NFKBIZ: variants seen among roughly 807,000 people sequenced by gnomAD.
The protein encoded by NFKBIZ is NFKB inhibitor zeta, also known as NF-kappa-B inhibitor zeta.
A neutral mutation model predicts 76.8 loss-of-function variants in NFKBIZ; 19 were observed. That is an observed-to-expected ratio of 0.25 (90% CI 0.17 to 0.36). The LOEUF (loss-of-function observed/expected upper bound fraction) is 0.36. Among genes scored for constraint, NFKBIZ ranks in the 10% least tolerant of loss-of-function variants. The pLI is 1.00. For synonymous variants in NFKBIZ, 368 were observed against 354.8 expected (o/e 1.04, Z -0.42); for missense variants, 829 against 910.9 (o/e 0.91, Z 1.16).
intron 2 of NFKBIZ, among the ~76,000 whole-genome samples, chr3:101,839,772 A>T (rs1360079653): frequency 6.6e-6 from 1 of 152,034 alleles, no homozygotes; most frequent in Non-Finnish European, 1.5e-5. Context: ...TGCCTTCAAA[A>T]TTTTTTTTCT....
rs1942682739 is a variant in NFKBIZ, at chr3:101,834,125, A to G, written c.-12+4437A>G. On this transcript the variant is annotated intron_variant, in intron 2 of 12. Transcript: ENST00000394054. ...TCAGAGTGCAGATAAGGGGTGAGGT[A>G]GAGTGGCAGGAGCAGTGCAGGGAAC... Among the ~76,000 whole-genome samples the G allele has an allele frequency of 3.3e-5, 5 of 152,176 alleles. No individual in the cohort carries two copies. In the South Asian group the frequency reaches 1.0e-3, roughly 32 times the overall value.
chr3:101,853,086 T>G lies in NFKBIZ; in HGVS notation c.565-5T>G, dbSNP rs749014818. The G allele has an allele frequency of 6.2e-7, 1 of 1,612,522 alleles. No homozygotes were observed. The highest frequency in any genetic ancestry group is 8.5e-7 in the Non-Finnish European group (1 of 1,178,644). On this transcript the variant is annotated splice_region_variant and splice_polypyrimidine_tract_variant and intron_variant, in intron 4 of 11. Coordinates refer to ENST00000326172, the MANE Select transcript of NFKBIZ (RefSeq NM_031419.4). Reference sequence around the variant, plus strand: ...GTGTGCAAGTTGCATTTTCCTTCTTTCCAGACACCACCTCAAACACCAACG... The same window carrying G: ...GTGTGCAAGTTGCATTTTCCTTCTTGCCAGACACCACCTCAAACACCAACG...
rs61730026 is a variant in NFKBIZ at position 101,852,909 on chromosome 3, A to G, written c.484A>G (p.Ser162Gly). ...FRELKNTVSY[S>G]GKRKGPDSLS... ...AGAATTGAAGAACACAGTATCATAC[A>G]GTGGGAAAAGGAAAGGGCCCGATTC... Residue 162 changes from serine (S) to glycine (G), a missense_variant, in exon 4 of 12, where the codon AGT becomes GGT. By Grantham distance (56) the Ser-to-Gly change is moderately conservative (BLOSUM62 0). This residue lies in a region of NFKBIZ where 371 missense variants were observed against 332.3 expected (regional missense o/e 1.12). Coordinates refer to ENST00000326172, the MANE Select transcript of NFKBIZ (RefSeq NM_031419.4). 2,614 of 1,614,172 alleles carry G rather than the reference A, an allele frequency of 1.6e-3. 1 individual carries two copies. Among genetic ancestry groups the G allele is most frequent in the Non-Finnish European group, 2.0e-3 (2,301 of 1,179,982 alleles).
Position 101,837,720 on chromosome 3 carries a change from C to T in NFKBIZ, c.-12+8032C>T, listed in dbSNP as rs139814957. 5.2e-4 allele frequency among the ~76,000 whole-genome samples: 79 copies of T among 152,158 alleles called. No homozygotes were observed. The East Asian group carries it at 0.013, about 26-fold the overall frequency. ...TTACTGCCGAATTAACTTTTGGTCC[C>T]CCAGACCCCTTGTTTACTAGAATTT... On this transcript the variant is annotated intron_variant, in intron 2 of 12. Transcript: ENST00000394054.
At chr3:101,850,177 C>T (rs910997135) in intron 1 of NFKBIZ, 54 of 386,208 alleles carry the variant, frequency 1.4e-4, no homozygotes, top group African/African-American at 9.8e-4. Flanking sequence ...CTCTGACTGC[C>T]GGGCGAGTGA....
At chr3:101,854,501 ATTTT>A (rs34931768) in intron 5 of NFKBIZ, 73 bp from the exon 6 acceptor site, 5 of 689,312 alleles carry the variant, frequency 7.3e-6, no homozygotes, top group South Asian at 2.0e-5. Flanking sequence ...CTAAAGGAAG[ATTTT>A]TTTTTTTTTT....
At position 101,855,749 on chromosome 3, in the gene NFKBIZ, C is replaced by T; in HGVS notation, c.1671C>T (p.His557=). The change falls in exon 9 of 12, where the codon CAC becomes CAT. Residue 557 remains histidine, a synonymous_variant. Coordinates refer to ENST00000326172, the MANE Select transcript of NFKBIZ (RefSeq NM_031419.4). The stretch of plus-strand genomic sequence containing the variant: ...TTCTTCTAGGCCTGACTCCCCTTCA[C>T]TGTGCAGTCATAGCCCACAATGCTG... ...ATNYDGLTPL[H]CAVIAHNAVV... is the part of the protein sequence containing the mutation. 3 of 1,602,148 alleles carry T rather than the reference C, an allele frequency of 1.9e-6. No homozygotes were observed. The highest frequency in any genetic ancestry group is 2.6e-6 in the Non-Finnish European group (3 of 1,176,078).
intron 1 of NFKBIZ, among the ~76,000 whole-genome samples, chr3:101,828,385 T>G (rs1464667030): frequency 3.3e-5 from 5 of 152,314 alleles, no homozygotes; most frequent in South Asian, 4.1e-4. Flanking sequence ...TGTAGTTTAG[T>G]AATAGCAAGA....
intron 1 of NFKBIZ, chr3:101,829,595 T>C (rs1942617620): frequency 6.6e-6 from 1 of 152,170 alleles, no homozygotes; most frequent in African/African-American, 2.4e-5. Flanking sequence ...TGGAGGCCTC[T>C]TGATTTTTTT....
chr3:101,853,991 G>GTAGA (rs2107417990), intron 5 of NFKBIZ, 128 bp downstream of exon 5: 5 of 890,722 alleles, frequency 5.6e-6, no homozygotes, highest in Non-Finnish European at 8.4e-6. Context: ...GATGACTGGT[G>GTAGA]TAGATAGAAA....
intron 2 of NFKBIZ, among the ~76,000 whole-genome samples, chr3:101,831,119 GT>G (rs534405061): frequency 6.6e-6 from 1 of 152,190 alleles, no homozygotes; most frequent in Non-Finnish European, 1.5e-5. Flanking sequence ...GATTGTTTCA[GT>G]CAAGTTTGCT....
intron 2 of NFKBIZ, among the ~76,000 whole-genome samples, chr3:101,840,046 CTT>C (rs905798834): frequency 1.3e-5 from 2 of 152,104 alleles, no homozygotes; most frequent in Non-Finnish European, 2.9e-5. Context: ...TTAGAAGATA[CTT>C]TTTGGTCCTT....
intron 2 of NFKBIZ, among the ~76,000 whole-genome samples, chr3:101,830,021 A>G (rs1224430671): frequency 6.6e-6 from 1 of 152,182 alleles, no homozygotes; most frequent in Non-Finnish European, 1.5e-5. Context: ...TTTCAGGGTT[A>G]TGTAATCTTT....
intron 2 of NFKBIZ, among the ~76,000 whole-genome samples, chr3:101,831,121 C>T (rs1047849678): frequency 1.1e-4 from 16 of 152,164 alleles, no homozygotes; most frequent in African/African-American, 3.9e-4. Flanking sequence ...TTGTTTCAGT[C>T]AAGTTTGCTA....
intron 2 of NFKBIZ, among the ~76,000 whole-genome samples, chr3:101,837,492 A>T (rs1440247334): frequency 7.5e-4 from 1 of 1,332 alleles, no homozygotes; most frequent in Non-Finnish European, 3.5e-3. Context: ...ATCCTGTCTC[A>T]AAAAAAAAAA....
chr3:101,849,712 C>A lies in NFKBIZ; in HGVS notation c.84C>A (p.Ser28Arg), dbSNP rs1373912625. ...DAAGGCGLMT[S>R]PLNLSYFYGA... ...CGGGCGGCTGCGGCCTCATGACCAG[C>A]CCGCTCAACCTGAGCTACTTCTACG... The change falls in exon 1 of 12, where the codon AGC (serine) becomes AGA (arginine). Residue 28 changes from serine (S) to arginine (R), a missense_variant. Physicochemically the swap from Ser to Arg is moderately radical, Grantham distance 110. Around this residue, in one of 4 missense-constraint regions of NFKBIZ, gnomAD observed 181 missense variants for 175.3 expected, o/e 1.03. Coordinates refer to ENST00000326172, the MANE Select transcript of NFKBIZ (RefSeq NM_031419.4). 1.4e-6 allele frequency: 2 copies of A among 1,434,150 alleles called. No individual in the cohort carries two copies. The highest frequency in any genetic ancestry group is 1.4e-5 in the South Asian group (1 of 71,826). 88.8% of individuals were successfully genotyped at this position (1,434,150 alleles called of 1,614,324 possible). A position where few individuals can be genotyped will look rare whatever the true frequency, so the allele number is the denominator to read the frequency against.
At chr3:101,857,669 A>G (rs1943070816) in intron 11 of NFKBIZ, 1 of 985,492 alleles carries the variant, frequency 1.0e-6, no homozygotes, top group Non-Finnish European at 1.2e-6. Context: ...CCATAGACTC[A>G]AAATGGTTAG....
Position 101,853,250 on chromosome 3 carries a change from C to T in NFKBIZ, c.724C>T (p.Pro242Ser). Residue 242 changes from proline to serine, a missense_variant, in exon 5 of 12, where the codon CCC becomes TCC. Physicochemically the swap from Pro to Ser is moderately conservative, Grantham distance 74 (BLOSUM62 -1). Around this residue, in one of 4 missense-constraint regions of NFKBIZ, gnomAD observed 371 missense variants for 332.3 expected, o/e 1.12. Transcript: ENST00000326172. ...LNTVQVSWLN[P>S]VVVPQSSPAE... is the part of the protein sequence containing the mutation. ...CACAGTTCAAGTTAGCTGGCTGAAC[C>T]CCGTGGTGGTCCCTCAGAGCTCCCC... 6.2e-7 allele frequency: 1 copy of T among 1,614,136 alleles called. No homozygotes were observed. The highest frequency in any genetic ancestry group is 8.5e-7 in the Non-Finnish European group (1 of 1,180,018).
At chr3:101,849,513 C>G (rs551503009), upstream of NFKBIZ, 53 of 903,216 alleles carry the variant, frequency 5.9e-5, no homozygotes, top group Admixed American at 3.1e-4. Flanking sequence ...GCGCCGCGCC[C>G]GTACTGGCCC....
Sources: allele counts gnomAD v4.1 joint callset (sites outside exome capture counted in the v4.1 genomes callset), GRCh38; gene constraint gnomAD v4.1.1; regional missense constraint gnomAD v4.1.1; transcripts MANE v1.5; gene names NCBI Gene and HGNC (gene_info 2026-07-23, HGNC 2026-07-21).